The following EHD4 variants were observed in gnomAD, a reference collection of about 807,000 sequenced individuals.
EHD4 encodes EH domain-containing protein 4.
EHD4 carries 37 observed loss-of-function variants against 51.0 expected under a neutral mutation model. The ratio of observed to expected loss-of-function variants is 0.73; its 90% CI spans 0.56 to 0.95. The LOEUF is 0.95. Ranked by LOEUF, EHD4 falls within the 40% of genes least tolerant of loss-of-function variation. EHD4 has a pLI of 0.00. For synonymous variants in EHD4, 297 were observed against 317.3 expected (o/e 0.94, Z 0.68); for missense variants, 632 against 733.1 (o/e 0.86, Z 1.59).
chr15:41,962,691 C>G (rs1434100300), intron 1 of EHD4, among the ~76,000 whole-genome samples: 1 of 152,072 alleles, frequency 6.6e-6, no homozygotes, highest in Non-Finnish European at 1.5e-5. Context: ...CAGCCCCCAC[C>G]CGGCCGCCGC....
At chr15:41,909,367 C>T (rs905693576) in intron 5 of EHD4, among the ~76,000 whole-genome samples, 1 of 152,214 alleles carries the variant, frequency 6.6e-6, no homozygotes, top group African/African-American at 2.4e-5. Flanking sequence ...ACCCTGAAGG[C>T]CACTCCCAGC....
chr15:41,925,889 G>C (rs2067657347), intron 3 of EHD4, among the ~76,000 whole-genome samples: 1 of 152,202 alleles, frequency 6.6e-6, no homozygotes, highest in Middle Eastern at 3.2e-3. Context: ...GCCAGAGAAA[G>C]AGCCACCAGG....
intron 3 of EHD4, among the ~76,000 whole-genome samples, chr15:41,939,895 T>A (rs1185539554): frequency 6.6e-6 from 1 of 151,766 alleles, no homozygotes; most frequent in Admixed American, 6.6e-5. Flanking sequence ...TAAAAATTGC[T>A]CCAAAATCAA....
chr15:41,902,124 G>A (rs1344281100), intron 5 of EHD4, among the ~76,000 whole-genome samples: 1 of 152,126 alleles, frequency 6.6e-6, no homozygotes. Context: ...GGCTCTAGAG[G>A]GGGCCTGGGA....
intron 3 of EHD4, among the ~76,000 whole-genome samples, chr15:41,934,252 C>T (rs1446297737): frequency 6.6e-6 from 1 of 151,738 alleles, no homozygotes; most frequent in Middle Eastern, 3.2e-3. Flanking sequence ...AAATGGGGCC[C>T]CCTGTATCAG....
intron 3 of EHD4, among the ~76,000 whole-genome samples, chr15:41,935,280 T>A (rs952878630): frequency 1.3e-5 from 2 of 152,160 alleles, no homozygotes; most frequent in Non-Finnish European, 2.9e-5. Flanking sequence ...GTGTTTTGGC[T>A]CCTCTATCTC....
chr15:41,917,004 C>T (rs114167082), intron 4 of EHD4, among the ~76,000 whole-genome samples: 4 of 152,170 alleles, frequency 2.6e-5, no homozygotes, highest in African/African-American at 4.8e-5. Context: ...AAACCCAGGC[C>T]GCGCTGGCCC....
At chr15:41,959,518 T>C (rs2067911538) in intron 1 of EHD4, among the ~76,000 whole-genome samples, 1 of 152,150 alleles carries the variant, frequency 6.6e-6, no homozygotes, top group South Asian at 2.1e-4. Flanking sequence ...TTCATTGCTA[T>C]TGCCTGAAAC....
chr15:41,921,164 C>T (rs2067622482), intron 3 of EHD4, among the ~76,000 whole-genome samples: 1 of 152,158 alleles, frequency 6.6e-6, no homozygotes, highest in Non-Finnish European at 1.5e-5. Flanking sequence ...AGCCCTTCCC[C>T]CCACTAGCAG....
chr15:41,925,132 T>C (rs1323258976), intron 3 of EHD4, among the ~76,000 whole-genome samples: 1 of 148,326 alleles, frequency 6.7e-6, no homozygotes, highest in Non-Finnish European at 1.5e-5. Flanking sequence ...CAAAAGTAAA[T>C]AGGAAGAAAA....
intron 3 of EHD4, among the ~76,000 whole-genome samples, chr15:41,926,954 T>C (rs2067666444): frequency 6.6e-6 from 1 of 152,218 alleles, no homozygotes; most frequent in African/African-American, 2.4e-5. Context: ...GCCTTTCCTG[T>C]TTCCTCCTGA....
intron 2 of EHD4, among the ~76,000 whole-genome samples, chr15:41,948,660 C>A (rs530462766): frequency 6.6e-6 from 1 of 152,152 alleles, no homozygotes; most frequent in Non-Finnish European, 1.5e-5. Flanking sequence ...GGAAGCCGCA[C>A]GTGCTTGGAC....
At chr15:41,903,344 G>C (rs867870427) in intron 5 of EHD4, among the ~76,000 whole-genome samples, 3 of 108,838 alleles carry the variant, frequency 2.8e-5, no homozygotes, top group African/African-American at 6.7e-5. Flanking sequence ...AAAAAAAACA[G>C]AAAAAACTGG....
At chr15:41,969,765 A>C (rs926154426) in intron 1 of EHD4, among the ~76,000 whole-genome samples, 17 of 152,218 alleles carry the variant, frequency 1.1e-4, no homozygotes, top group African/African-American at 4.1e-4. Flanking sequence ...CCCCATGCCC[A>C]TCTCCCCTCC....
chr15:41,938,311 C>T (rs766707359), intron 3 of EHD4, among the ~76,000 whole-genome samples: 8 of 152,230 alleles, frequency 5.3e-5, no homozygotes, highest in Admixed American at 6.5e-5. Context: ...CTTTCCTTAA[C>T]ATCTCCTTAA....
intron 2 of EHD4, among the ~76,000 whole-genome samples, chr15:41,953,040 A>T (rs1030812539): frequency 6.8e-6 from 1 of 147,940 alleles, no homozygotes; most frequent in Admixed American, 6.7e-5. Context: ...TAAGAAAATC[A>T]GCTTTTCATG....
intron 3 of EHD4, 27 bp downstream of exon 3, chr15:41,943,040 T>G (rs1374970562): frequency 1.3e-6 from 2 of 1,540,794 alleles, no homozygotes; most frequent in South Asian, 2.4e-5. Flanking sequence ...CAGCACTTGG[T>G]GGGGAGGGGC....
intron 4 of EHD4, among the ~76,000 whole-genome samples, chr15:41,912,259 C>T (rs1170566258): frequency 6.6e-6 from 1 of 152,196 alleles, no homozygotes; most frequent in Non-Finnish European, 1.5e-5. Context: ...TCCCAGCCTC[C>T]ACTTCTAGGA....
chr15:41,955,917 C>A (rs746087539), intron 1 of EHD4, among the ~76,000 whole-genome samples: 3 of 152,172 alleles, frequency 2.0e-5, no homozygotes, highest in Non-Finnish European at 1.5e-5. Context: ...ACTCTTGCCT[C>A]CACTCACGTC....
Sources: gnomAD v4.1 joint callset for allele counts (sites outside exome capture counted in the v4.1 genomes callset) on GRCh38, gnomAD v4.1.1 for gene constraint, MANE v1.5 for transcripts, NCBI Gene and HGNC (gene_info 2026-07-23, HGNC 2026-07-21) for gene names.